CDH18: variants seen among roughly 807,000 people sequenced by gnomAD.
CDH18 encodes the protein cadherin 18.
CDH18 carries 31 observed loss-of-function variants against 67.9 expected under a neutral mutation model. That is an observed-to-expected ratio of 0.46 (90% confidence interval 0.34 to 0.62). The LOEUF (loss-of-function observed/expected upper bound fraction) is 0.62. CDH18 is among the 20% of genes least tolerant of loss of function. The pLI, the probability that CDH18 is intolerant of heterozygous loss-of-function variation, is 0.01. For synonymous variants in CDH18, 362 were observed against 347.2 expected, an observed-to-expected ratio of 1.04 and a Z score of -0.48; for missense variants, 890 against 975.5, an observed-to-expected ratio of 0.91 and a Z score of 1.17.
intron 5 of CDH18, among the ~76,000 whole-genome samples, chr5:19,710,283 G>T (rs1764547243): frequency 1.3e-5 from 2 of 152,038 alleles, no homozygotes; most frequent in South Asian, 4.2e-4. Flanking sequence ...ATTAGAAATG[G>T]TATTATTTTG....
intron 1 of CDH18, among the ~76,000 whole-genome samples, chr5:20,471,833 T>TTAAAA (rs757184101): frequency 1.4e-4 from 7 of 51,490 alleles, no homozygotes; most frequent in African/African-American, 3.9e-4. Flanking sequence ...AGATTCAGTC[T>TTAAAA]AAAAAAAAAA....
At position 19,677,648 on chromosome 5, in the gene CDH18, A is replaced by G. The variant is rs145032880; in HGVS notation, c.643+43699T>C. Among the ~76,000 whole-genome samples, 3 of 152,082 alleles carry G rather than the reference A, an allele frequency of 2.0e-5. No homozygotes were observed. In the Admixed American group the frequency reaches 2.0e-4, roughly 10 times the overall value. ...GAATGAAGAAGCAAGTCCAAAGTGT[A>G]TCCTGTCTTCAAGAGACCAATGTCA... On this transcript the variant is annotated intron_variant, in intron 5 of 12. Coordinates refer to ENST00000382275, the MANE Select transcript of CDH18 (RefSeq NM_004934.5).
chr5:19,527,536 A>T (rs1019279367), intron 9 of CDH18, among the ~76,000 whole-genome samples: 2 of 151,686 alleles, frequency 1.3e-5, no homozygotes, highest in African/African-American at 4.8e-5. Flanking sequence ...ATAATAAATT[A>T]CTCCTCAAAT....
At chr5:19,792,758 T>C (rs954104588) in intron 3 of CDH18, among the ~76,000 whole-genome samples, 2 of 152,228 alleles carry the variant, frequency 1.3e-5, no homozygotes. Context: ...ATGAAAAAAG[T>C]ATCAGAATAT....
intron 1 of CDH18, among the ~76,000 whole-genome samples, chr5:20,493,947 AGC>A (rs1753746284): frequency 2.0e-5 from 3 of 149,716 alleles, no homozygotes; most frequent in African/African-American, 7.6e-5. Flanking sequence ...AAACAAAAAC[AGC>A]AAAAAAAAAA....
chr5:19,778,814 T>G (rs1774718177), intron 3 of CDH18, among the ~76,000 whole-genome samples: 1 of 152,210 alleles, frequency 6.6e-6, no homozygotes, highest in South Asian at 2.1e-4. Flanking sequence ...CATCTCCTCA[T>G]GCTGATATCT....
chr5:19,473,091 C>T lies in CDH18; in HGVS notation c.*135G>A. The T allele has an allele frequency of 1.8e-5, 17 of 957,038 alleles. No homozygotes were observed. The highest frequency in any genetic ancestry group is 2.6e-5 in the Non-Finnish European group (17 of 642,716). The allele number at this position is 957,038 out of a possible 1,614,324, so 59.3% of individuals were successfully genotyped here. A position where few individuals can be genotyped will look rare whatever the true frequency, so the allele number is the denominator to read the frequency against. The stretch of plus-strand genomic sequence containing the variant: ...AACCCAGTTTCGATCATGAAAAGGG[C>T]ACTTGTTTCTACAGGAGCTGTGTCC... On this transcript the variant is annotated 3_prime_UTR_variant, in exon 13 of 13. Transcript: ENST00000382275.
chr5:20,453,588 T>A (rs189507279), intron 1 of CDH18, among the ~76,000 whole-genome samples: 46 of 151,958 alleles, frequency 3.0e-4, no homozygotes, highest in African/African-American at 1.0e-3. Context: ...TGTGTGTGTG[T>A]GTGTATATGT....
intron 2 of CDH18, among the ~76,000 whole-genome samples, chr5:19,840,679 G>C (rs1581594204): frequency 6.6e-6 from 1 of 152,086 alleles, no homozygotes; most frequent in South Asian, 2.1e-4. Flanking sequence ...TCCAGCCTGG[G>C]CAACAAGAAT....
At chr5:20,192,612 T>C (rs1738633882) in intron 2 of CDH18, among the ~76,000 whole-genome samples, 2 of 152,160 alleles carry the variant, frequency 1.3e-5, no homozygotes, top group Admixed American at 1.3e-4. Context: ...TAGGAGATCC[T>C]TTCCCTATTG....
chr5:19,607,661 TCAA>T (rs1377482249), intron 6 of CDH18, among the ~76,000 whole-genome samples: 1 of 150,996 alleles, frequency 6.6e-6, no homozygotes, highest in African/African-American at 2.4e-5. Flanking sequence ...GTGTAGTAAA[TCAA>T]CAAAAGCAAG....
chr5:19,576,156 T>C (rs1282302868), intron 7 of CDH18, among the ~76,000 whole-genome samples: 1 of 151,928 alleles, frequency 6.6e-6, no homozygotes, highest in East Asian at 1.9e-4. Flanking sequence ...GAAGAAGAAA[T>C]TGAGGGGAAA....
intron 2 of CDH18, among the ~76,000 whole-genome samples, chr5:20,075,672 TAA>T (rs1408609633): frequency 6.6e-6 from 1 of 152,190 alleles, no homozygotes; most frequent in Admixed American, 6.5e-5. Context: ...AGGAGAAGGC[TAA>T]GTGTTTGTAT....
At chr5:19,647,016 A>AT (rs1317725558) in intron 5 of CDH18, among the ~76,000 whole-genome samples, 1 of 152,134 alleles carries the variant, frequency 6.6e-6, no homozygotes, top group African/African-American at 2.4e-5. Flanking sequence ...ACATTGTTGC[A>AT]TTTTTTTAAA....
At chr5:19,928,350 G>A (rs369563512) in intron 2 of CDH18, among the ~76,000 whole-genome samples, 6 of 151,932 alleles carry the variant, frequency 3.9e-5, no homozygotes, top group African/African-American at 7.3e-5. Flanking sequence ...AAGAAGGCCC[G>A]GCACACAGAA....
At chr5:20,016,541 CT>C (rs1288874252) in intron 2 of CDH18, among the ~76,000 whole-genome samples, 2 of 152,126 alleles carry the variant, frequency 1.3e-5, no homozygotes, top group African/African-American at 4.8e-5. Flanking sequence ...TGAGGTTAAC[CT>C]TTTCAGCTGA....
At chr5:19,778,855 T>C (rs1460333625) in intron 3 of CDH18, among the ~76,000 whole-genome samples, 1 of 152,190 alleles carries the variant, frequency 6.6e-6, no homozygotes, top group African/African-American at 2.4e-5. Context: ...TGAGGAAATT[T>C]AGCCTAGCTC....
intron 2 of CDH18, among the ~76,000 whole-genome samples, chr5:20,238,102 C>G (rs1449867502): frequency 6.6e-6 from 1 of 151,896 alleles, no homozygotes; most frequent in African/African-American, 2.4e-5. Flanking sequence ...CGATCTATAT[C>G]TTGAACCTTA....
chr5:19,862,623 G>A (rs565142178), intron 2 of CDH18, among the ~76,000 whole-genome samples: 2 of 152,272 alleles, frequency 1.3e-5, no homozygotes, highest in African/African-American at 4.8e-5. Context: ...CAGTACTGCA[G>A]GCAAAATGGT....
Sources: gnomAD v4.1 joint callset for allele counts (sites outside exome capture counted in the v4.1 genomes callset) on GRCh38, gnomAD v4.1.1 for gene constraint, MANE v1.5 for transcripts, NCBI Gene and HGNC (gene_info 2026-07-23, HGNC 2026-07-21) for gene names.